The following TRAT1 variants were observed in gnomAD, a reference collection of about 807,000 sequenced individuals.
TRAT1 encodes T-cell receptor-associated transmembrane adapter 1.
Under a neutral mutation model 20.0 loss-of-function variants are expected in TRAT1, and 20 were observed. The observed-to-expected ratio is 1.00, with a 90% confidence interval of 0.70 to 1.45. TRAT1 has a LOEUF of 1.45. Ranked by LOEUF, TRAT1 falls within the 40% of genes most tolerant of loss-of-function variation. The probability of loss-of-function intolerance (pLI) is 0.00; values close to 1 mark genes in which losing one functional copy is unlikely to be tolerated. For missense variants in TRAT1, 237 were observed against 224.1 expected (o/e 1.06, Z -0.37); for synonymous variants, 77 against 74.2 (o/e 1.04, Z -0.20).
intron 3 of TRAT1, among the ~76,000 whole-genome samples, chr3:108,845,594 G>A (rs868738495): frequency 1.3e-5 from 2 of 152,126 alleles, no homozygotes; most frequent in African/African-American, 4.8e-5. Flanking sequence ...TTTCATACAG[G>A]TATCATTTGA....
intron 2 of TRAT1, among the ~76,000 whole-genome samples, chr3:108,833,799 T>TACACACAC (rs3054303): frequency 0.018 from 2,662 of 146,720 alleles, 49 homozygotes; most frequent in Middle Eastern, 0.062. Context: ...TTGTAAGAAT[T>TACACACAC]ACACACACAC....
chr3:108,843,480 A>G (rs962887854), intron 3 of TRAT1, among the ~76,000 whole-genome samples: 5 of 152,166 alleles, frequency 3.3e-5, no homozygotes, highest in Admixed American at 1.3e-4. Context: ...CAGTGAGCCA[A>G]GATCACACCA....
At chr3:108,837,040 T>C (rs914032483) in intron 2 of TRAT1, among the ~76,000 whole-genome samples, 1 of 152,236 alleles carries the variant, frequency 6.6e-6, no homozygotes, top group African/African-American at 2.4e-5. Flanking sequence ...TCCTGGTCTA[T>C]ATTAACTATG....
chr3:108,844,131 T>C (rs762451641), intron 3 of TRAT1, among the ~76,000 whole-genome samples: 59 of 152,226 alleles, frequency 3.9e-4, no homozygotes, highest in Admixed American at 1.8e-3. Flanking sequence ...CTCAGGCCCT[T>C]AAAATAGATT....
At chr3:108,851,116 A>C (rs895252324) in intron 5 of TRAT1, among the ~76,000 whole-genome samples, 1 of 152,190 alleles carries the variant, frequency 6.6e-6, no homozygotes, top group South Asian at 2.1e-4. Context: ...TCATAAAAAA[A>C]CACTACCTAG....
intron 1 of TRAT1, among the ~76,000 whole-genome samples, chr3:108,829,214 G>A (rs1945768639): frequency 6.6e-6 from 1 of 152,050 alleles, no homozygotes; most frequent in African/African-American, 2.4e-5. Flanking sequence ...GAGTTTGTAG[G>A]GAAGCTGTTC....
At chr3:108,850,594 G>A (rs1324469914) in intron 5 of TRAT1, among the ~76,000 whole-genome samples, 3 of 152,040 alleles carry the variant, frequency 2.0e-5, no homozygotes, top group East Asian at 1.9e-4. Flanking sequence ...ATGAGCCATC[G>A]TGCCCAGCTG....
At position 108,847,136 on chromosome 3, in the gene TRAT1, T is replaced by A. The variant is rs754341064; in HGVS notation, c.214+7T>A. The A allele has an allele frequency of 4.7e-6, 7 of 1,486,612 alleles. No homozygotes were observed. Among genetic ancestry groups the A allele is most frequent in the African/African-American group, 4.2e-5 (3 of 71,630 alleles). The allele number at this position is 1,486,612 out of a possible 1,614,324, so 92.1% of individuals were successfully genotyped here. A position where few individuals can be genotyped will look rare whatever the true frequency, so the allele number is the denominator to read the frequency against. On this transcript the variant is annotated splice_region_variant and intron_variant, in intron 4 of 5. Coordinates refer to ENST00000295756, the MANE Select transcript of TRAT1 (RefSeq NM_016388.4). ...TTAGATGATATGATTTCAGGTAAGT[T>A]TTCCATAAGTTAAATTTATAAATAA...
chr3:108,837,574 C>G (rs1186589103), intron 2 of TRAT1, among the ~76,000 whole-genome samples: 1 of 152,188 alleles, frequency 6.6e-6, no homozygotes, highest in African/African-American at 2.4e-5. Context: ...TAGTTCCTTA[C>G]TAATATAGAG....
intron 3 of TRAT1, 60 bp from the exon 4 acceptor site, chr3:108,847,008 C>A: frequency 1.8e-6 from 2 of 1,121,698 alleles, no homozygotes; most frequent in South Asian, 1.3e-5. Context: ...GCTGAGAAGT[C>A]AGTTATGAAT....
chr3:108,841,193 G>A (rs1945894158), intron 3 of TRAT1, among the ~76,000 whole-genome samples: 1 of 152,204 alleles, frequency 6.6e-6, no homozygotes, highest in African/African-American at 2.4e-5. Flanking sequence ...TACAAAGATG[G>A]AAAGGCATGA....
At chr3:108,844,359 C>T (rs1433651193) in intron 3 of TRAT1, among the ~76,000 whole-genome samples, 3 of 151,212 alleles carry the variant, frequency 2.0e-5, no homozygotes, top group Admixed American at 2.0e-4. Flanking sequence ...GCTCTGACTC[C>T]CAGGTTGGAG....
In TRAT1 at chr3:108,853,989, T is replaced by A; in HGVS notation, c.*112T>A. 1.0e-6 allele frequency: 1 copy of A among 982,198 alleles called. No individual in the cohort carries two copies. The allele number at this position is 982,198 out of a possible 1,614,324, so 60.8% of individuals were successfully genotyped here. A position where few individuals can be genotyped will look rare whatever the true frequency, so the allele number is the denominator to read the frequency against. On this transcript the variant is annotated 3_prime_UTR_variant, in exon 6 of 6. Transcript: ENST00000295756. ...GGCAGCAGGGTGATGACCTGATCAT[T>A]TGTTGATGGGATGGTGGCTTACCTC...
chr3:108,838,754 G>C (rs1945864484), intron 2 of TRAT1, among the ~76,000 whole-genome samples, 180 bp from the exon 3 acceptor site: 3 of 151,998 alleles, frequency 2.0e-5, no homozygotes, highest in African/African-American at 7.2e-5. Context: ...TTGGTAAAAG[G>C]CAAATCTGAT....
chr3:108,842,406 A>T (rs888481024), intron 3 of TRAT1, among the ~76,000 whole-genome samples: 1 of 152,138 alleles, frequency 6.6e-6, no homozygotes, highest in African/African-American at 2.4e-5. Flanking sequence ...AAGGTTGAGA[A>T]TCCTTATGAC....
At chr3:108,845,509 GA>G (rs1240568564) in intron 3 of TRAT1, among the ~76,000 whole-genome samples, 1 of 152,156 alleles carries the variant, frequency 6.6e-6, no homozygotes, top group African/African-American at 2.4e-5. Context: ...TTACCGGATG[GA>G]AAAAAGGTTA....
intron 1 of TRAT1, among the ~76,000 whole-genome samples, chr3:108,829,767 A>C (rs1945775797): frequency 1.3e-5 from 2 of 152,200 alleles, no homozygotes; most frequent in Non-Finnish European, 2.9e-5. Flanking sequence ...TGCTGGTGTA[A>C]ACAAACCTAC....
intron 1 of TRAT1, among the ~76,000 whole-genome samples, chr3:108,824,720 C>T (rs754152368): frequency 1.3e-4 from 20 of 152,180 alleles, no homozygotes; most frequent in Non-Finnish European, 2.2e-4. Context: ...CATACCTCTC[C>T]TTATCTTTCC....
intron 3 of TRAT1, among the ~76,000 whole-genome samples, chr3:108,844,790 G>C (rs1309030488): frequency 7.4e-6 from 1 of 134,582 alleles, no homozygotes; most frequent in Non-Finnish European, 1.5e-5. Flanking sequence ...CTTGCAGTGA[G>C]CCGAGATTGC....
Sources: allele counts gnomAD v4.1 joint callset (sites outside exome capture counted in the v4.1 genomes callset), GRCh38; gene constraint gnomAD v4.1.1; transcripts MANE v1.5; gene names NCBI Gene and HGNC (gene_info 2026-07-23, HGNC 2026-07-21).